Variants in FER1L5 observed in about 807,000 individuals in gnomAD.
FER1L5 encodes the protein fer-1-like protein 5.
A neutral mutation model predicts 279.9 loss-of-function variants in FER1L5; 187 were observed. That is an observed-to-expected ratio of 0.67 (90% confidence interval 0.59 to 0.75). FER1L5 has a LOEUF of 0.75. Ranked by LOEUF, FER1L5 falls within the 30% of genes least tolerant of loss-of-function variation. The pLI is 0.00. For synonymous variants in FER1L5, 921 were observed against 989.7 expected (o/e 0.93, Z 1.30); for missense variants, 2,091 against 2,594.4 (o/e 0.81, Z 4.21).
At position 96,695,517 on chromosome 2, in the gene FER1L5, C is replaced by T; in HGVS notation, c.3750C>T (p.Ala1250=). Residue 1250 remains alanine (A), a synonymous_variant, in exon 35 of 53, where the codon GCC becomes GCT. Coordinates refer to ENST00000624922, the MANE Select transcript of FER1L5 (RefSeq NM_001293083.2). ...CTTCTTTGTTCTGGTAGATCCTGGC[C>T]TGGGGCCTTCGGAACATGAAGAAGG... is the stretch of plus-strand genomic sequence containing the variant. ...TIKRMAIEIL[A]WGLRNMKKAS... The T allele has an allele frequency of 6.3e-7, 1 of 1,589,076 alleles. No homozygotes were observed. The highest frequency in any genetic ancestry group is 8.6e-7 in the Non-Finnish European group (1 of 1,168,420).
At chr2:96,663,143 A>G (rs2076011760) in intron 13 of FER1L5, among the ~76,000 whole-genome samples, 1 of 152,240 alleles carries the variant, frequency 6.6e-6, no homozygotes, top group Non-Finnish European at 1.5e-5. Context: ...ATATATGTCT[A>G]TACACTCATA....
In FER1L5 at chr2:96,649,480, A is replaced by G. The variant is rs563630430; in HGVS notation, c.340-143A>G. 47 of 707,906 alleles carry G rather than the reference A, an allele frequency of 6.6e-5. 1 individual carries two copies. Among genetic ancestry groups the G allele is most frequent in the South Asian group, 4.8e-4 (27 of 56,680 alleles). The allele number at this position is 707,906 out of a possible 1,614,324, so 43.9% of individuals were successfully genotyped here. Reference sequence around the variant, plus strand: ...CCTCACCCAGACTGTGCAGATGCCCATGGTGTGGCCCCATCCCATGACTAG... The same window carrying G: ...CCTCACCCAGACTGTGCAGATGCCCGTGGTGTGGCCCCATCCCATGACTAG... On this transcript the variant is annotated intron_variant, in intron 4 of 52. Coordinates refer to ENST00000624922, the MANE Select transcript of FER1L5 (RefSeq NM_001293083.2).
chr2:96,663,525 T>A lies in FER1L5; in HGVS notation c.1140+18T>A, dbSNP rs2076024143. 13 of 1,550,914 alleles carry A rather than the reference T, an allele frequency of 8.4e-6. No individual in the cohort carries two copies. The highest frequency in any genetic ancestry group is 1.1e-5 in the Non-Finnish European group (13 of 1,146,336). On this transcript the variant is annotated intron_variant, in intron 14 of 52. Coordinates refer to ENST00000624922, the MANE Select transcript of FER1L5 (RefSeq NM_001293083.2). ...GGATTCAGGTATGGCTCCTCCATCATGCCCACCCTTCTCCCACATCCCCTA... is the reference window on the plus strand; with the variant it reads ...GGATTCAGGTATGGCTCCTCCATCAAGCCCACCCTTCTCCCACATCCCCTA...
intron 1 of FER1L5, among the ~76,000 whole-genome samples, chr2:96,643,594 C>G (rs1469055163): frequency 6.6e-6 from 1 of 152,080 alleles, no homozygotes; most frequent in Non-Finnish European, 1.5e-5. Flanking sequence ...AGGGGACCCA[C>G]CTGCCTCGGC....
chr2:96,700,280 T>C, intron 44 of FER1L5, 52 bp from the exon 45 acceptor site: 4 of 1,605,738 alleles, frequency 2.5e-6, no homozygotes, highest in African/African-American at 1.3e-5. Flanking sequence ...ACCTAGGAGA[T>C]AGGAAGGCTA....
intron 15 of FER1L5, 26 bp downstream of exon 15, chr2:96,668,820 C>A (rs2076219409): frequency 6.4e-7 from 1 of 1,551,674 alleles, no homozygotes; most frequent in Admixed American, 2.0e-5. Context: ...GAGGCTGAAG[C>A]ACACAGGGAA....
At chr2:96,692,259 C>T (rs2077183164) in intron 31 of FER1L5, 78 bp downstream of exon 31, 1 of 1,466,666 alleles carries the variant, frequency 6.8e-7, no homozygotes, top group Non-Finnish European at 9.3e-7. Context: ...CTGCAGCAGC[C>T]AAGGCAGCCC....
chr2:96,669,158 C>G lies in FER1L5; in HGVS notation c.1362+21C>G, dbSNP rs896461879. 1.4e-5 allele frequency: 21 copies of G among 1,548,990 alleles called. No homozygotes were observed. The East Asian group carries it at 3.4e-4, about 25-fold the overall frequency. ...GCGCTGTAAGCTTCTCACATCAGCT[C>G]TAGGGTACAGTGGAGGTAGAGCTTC... On this transcript the variant is annotated intron_variant, in intron 17 of 52. Transcript: ENST00000624922.
chr2:96,695,314 C>T, intron 34 of FER1L5, 195 bp from the exon 35 acceptor site: 2 of 709,248 alleles, frequency 2.8e-6, no homozygotes, highest in East Asian at 6.0e-5. Flanking sequence ...GCCCCGAGGG[C>T]AAGCACTGAT....
intron 9 of FER1L5, among the ~76,000 whole-genome samples, chr2:96,659,077 G>A (rs904386312): frequency 2.0e-5 from 3 of 151,498 alleles, no homozygotes; most frequent in Admixed American, 6.6e-5. Context: ...TCCTACAGGC[G>A]CCCACCACCA....
chr2:96,653,770 A>G (rs936150937), intron 8 of FER1L5, 68 bp downstream of exon 8: 17 of 1,231,588 alleles, frequency 1.4e-5, no homozygotes, highest in Non-Finnish European at 2.0e-5. Flanking sequence ...GAAGCACTAC[A>G]GCTCCAGCCC....
At chr2:96,666,537 G>T (rs890939426) in intron 14 of FER1L5, among the ~76,000 whole-genome samples, 1 of 152,116 alleles carries the variant, frequency 6.6e-6, no homozygotes, top group Non-Finnish European at 1.5e-5. Context: ...CACATCCCAA[G>T]AACTGCTGTA....
At chr2:96,673,363 C>T (rs1243961661) in intron 19 of FER1L5, 109 bp downstream of exon 19, 2 of 1,196,720 alleles carry the variant, frequency 1.7e-6, no homozygotes, top group Non-Finnish European at 2.3e-6. Context: ...GCATTATTTA[C>T]CTATATTTCA....
In FER1L5 at chr2:96,694,192, G is replaced by A. The variant is rs2077271761; in HGVS notation, c.3636+120G>A. 7.1e-7 allele frequency: 1 copy of A among 1,402,366 alleles called. No individual in the cohort carries two copies. Among genetic ancestry groups the A allele is most frequent in the Non-Finnish European group, 9.4e-7 (1 of 1,058,646 alleles). 86.9% of individuals were successfully genotyped at this position (1,402,366 alleles called of 1,614,324 possible). On this transcript the variant is annotated intron_variant, in intron 33 of 52. Coordinates refer to ENST00000624922, the MANE Select transcript of FER1L5 (RefSeq NM_001293083.2). The surrounding 1 kb of genome is among the most constrained non-coding windows in gnomAD (Gnocchi z 4.6). ...AAATGCCTGGGGCCCAGGATCCCGA[G>A]CTGTGGGCTTGGTGACGCTGGCCTG...
intron 49 of FER1L5, 25 bp from the exon 50 acceptor site, chr2:96,703,128 G>A (rs2077653312): frequency 1.2e-6 from 2 of 1,612,844 alleles, no homozygotes; most frequent in Non-Finnish European, 1.7e-6. Context: ...GCTCCTTCTT[G>A]CTGATGTCAT....
At position 96,647,864 on chromosome 2, in the gene FER1L5, A is replaced by C. The variant is rs1286018872; in HGVS notation, c.317A>C (p.Asn106Thr). The change falls in exon 4 of 53, where the codon AAC (asparagine) becomes ACC (threonine). Residue 106 changes from asparagine to threonine, a missense_variant. Asn to Thr is a moderately conservative substitution (Grantham distance 65, BLOSUM62 0). Transcript: ENST00000624922. ...TTTGTGAAGGACTTGACCCTGCTCAACCATTCCATGAAGCCCACAGATGTG... is the reference window on the plus strand; with the variant it reads ...TTTGTGAAGGACTTGACCCTGCTCACCCATTCCATGAAGCCCACAGATGTG... ...VLFVKDLTLL[N>T]HSMKPTDCTV... The C allele has an allele frequency of 1.3e-6, 2 of 1,551,790 alleles. No homozygotes were observed. Among genetic ancestry groups the C allele is most frequent in the South Asian group, 2.4e-5 (2 of 84,066 alleles).
rs77374892 is a variant in FER1L5 at position 96,693,802 on chromosome 2, C to T, written c.3475-109C>T. 9.7e-3 allele frequency: 14,284 copies of T among 1,474,168 alleles called. 1,212 individuals carry two copies. The African/African-American group carries it at 0.18, about 19-fold the overall frequency. 91.3% of individuals were successfully genotyped at this position (1,474,168 alleles called of 1,614,324 possible). A position where few individuals can be genotyped will look rare whatever the true frequency, so the allele number is the denominator to read the frequency against. On this transcript the variant is annotated intron_variant, in intron 32 of 52. Coordinates refer to ENST00000624922, the MANE Select transcript of FER1L5 (RefSeq NM_001293083.2). ...GCTCCCATGAGGCCTGACGTGCAGA[C>T]AGCACCATGGAAATTCACCTGCCAG...
intron 9 of FER1L5, among the ~76,000 whole-genome samples, chr2:96,659,290 T>TGCCTTCCTTCCTTCCTTCCCTCC (rs2075732527): frequency 3.7e-5 from 3 of 81,030 alleles, no homozygotes; most frequent in African/African-American, 1.5e-4. Flanking sequence ...TTTATCAAGC[T>TGCCTTCCTTCCTTCCTTCCCTCC]TTCCTTCCTT....
Position 96,668,873 on chromosome 2 carries a change from T to C in FER1L5, c.1185-13T>C, listed in dbSNP as rs2076222343. On this transcript the variant is annotated splice_polypyrimidine_tract_variant and intron_variant, in intron 15 of 52. Coordinates refer to ENST00000624922, the MANE Select transcript of FER1L5 (RefSeq NM_001293083.2). Reference sequence around the variant, plus strand: ...GGCCGGGGGCTCAGCCTGAGGAGTGTGTTTCTCTCTAGCCGCAAGAAGGAC... The same window carrying C: ...GGCCGGGGGCTCAGCCTGAGGAGTGCGTTTCTCTCTAGCCGCAAGAAGGAC... The C allele has an allele frequency of 6.4e-7, 1 of 1,551,324 alleles. No individual in the cohort carries two copies. Among genetic ancestry groups the C allele is most frequent in the African/African-American group, 1.4e-5 (1 of 72,948 alleles).
Sources: gnomAD v4.1 joint callset for allele counts (sites outside exome capture counted in the v4.1 genomes callset) on GRCh38, gnomAD v4.1.1 for gene constraint, Gnocchi (gnomAD v3.1) non-coding constraint, MANE v1.5 for transcripts, NCBI Gene and HGNC (gene_info 2026-07-23, HGNC 2026-07-21) for gene names.